Variants in SYT7 observed in about 807,000 individuals in gnomAD.
The protein encoded by SYT7 is synaptotagmin 7.
SYT7 carries 29 observed loss-of-function variants against 75.1 expected under a neutral mutation model. The observed-to-expected ratio is 0.39, with a 90% CI of 0.29 to 0.53. The LOEUF (loss-of-function observed/expected upper bound fraction) is 0.53, where lower values mean the gene tolerates loss of function less well. Ranked by LOEUF, SYT7 falls within the 20% of genes least tolerant of loss-of-function variation. SYT7 has a pLI of 0.77. For missense variants in SYT7, 693 were observed against 953.2 expected, an observed-to-expected ratio of 0.73 and a Z score of 3.59; for synonymous variants, 376 against 401.7, an observed-to-expected ratio of 0.94 and a Z score of 0.76.
At chr11:61,520,090 G>A (rs559075002) in intron 12 of SYT7, among the ~76,000 whole-genome samples, 2 of 129,794 alleles carry the variant, frequency 1.5e-5, no homozygotes, top group East Asian at 1.9e-4. Flanking sequence ...TCCTGACCTC[G>A]TGATCTGGGC....
intron 1 of SYT7, among the ~76,000 whole-genome samples, chr11:61,557,679 C>G (rs979441865): frequency 1.3e-5 from 2 of 152,192 alleles, no homozygotes; most frequent in Admixed American, 1.3e-4. Flanking sequence ...CCTCCTGTAC[C>G]AAGTCTGCAG....
At chr11:61,567,553 C>A (rs1260215467) in intron 1 of SYT7, among the ~76,000 whole-genome samples, 1 of 152,240 alleles carries the variant, frequency 6.6e-6, no homozygotes, top group Admixed American at 6.5e-5. Context: ...GAAGCTATGG[C>A]AGCACCCAGT....
chr11:61,580,896 G>A lies in SYT7; in HGVS notation c.-76C>T. 1 of 1,121,280 alleles carries A rather than the reference G, an allele frequency of 8.9e-7. No individual in the cohort carries two copies. The highest frequency in any genetic ancestry group is 1.1e-6 in the Non-Finnish European group (1 of 918,076). The allele number at this position is 1,121,280 out of a possible 1,614,324, so 69.5% of individuals were successfully genotyped here. On this transcript the variant is annotated 5_prime_UTR_variant, in exon 1 of 13. Coordinates refer to ENST00000539008, the MANE Select transcript of SYT7 (RefSeq NM_001365809.2). This position sits in a 1 kb window ranked among gnomAD's most constrained non-coding sequence, Gnocchi z 6.1. ...GCGCGCTGCTCCGCCGCCGCCGCTG[G>A]GCATGGGGCCGGGCGACCCCCGGGG...
At chr11:61,520,240 G>T (rs938874596) in intron 12 of SYT7, among the ~76,000 whole-genome samples, 2 of 151,816 alleles carry the variant, frequency 1.3e-5, no homozygotes, top group African/African-American at 4.8e-5. Flanking sequence ...TGTGGCCTCA[G>T]TGGAGGAGTA....
chr11:61,573,427 C>T (rs1223837540), intron 1 of SYT7, among the ~76,000 whole-genome samples: 2 of 152,198 alleles, frequency 1.3e-5, no homozygotes, highest in Non-Finnish European at 2.9e-5. Context: ...TGGCTGGACA[C>T]TGCAGATCTC....
At chr11:61,520,689 G>T (rs2062298307) in intron 12 of SYT7, among the ~76,000 whole-genome samples, 1 of 152,200 alleles carries the variant, frequency 6.6e-6, no homozygotes, top group Non-Finnish European at 1.5e-5. Context: ...CCAGCATGGT[G>T]GCAGATGCCT....
At chr11:61,538,348 A>T in intron 6 of SYT7, 82 bp from the exon 7 acceptor site, 10 of 436,528 alleles carry the variant, frequency 2.3e-5, no homozygotes, top group Middle Eastern at 6.3e-4. Flanking sequence ...AGAGAGAGGG[A>T]GAGAGAGAGA....
At chr11:61,579,890 C>T (rs557259438) in intron 1 of SYT7, among the ~76,000 whole-genome samples, 20 of 152,222 alleles carry the variant, frequency 1.3e-4, no homozygotes, top group Non-Finnish European at 2.1e-4. Flanking sequence ...CAGGTGGGAG[C>T]GGGGATGGAG....
chr11:61,525,273 T>G (rs1199243716), intron 9 of SYT7, among the ~76,000 whole-genome samples: 1 of 152,198 alleles, frequency 6.6e-6, no homozygotes, highest in Non-Finnish European at 1.5e-5. Context: ...TGCTCCTGCT[T>G]AAAGCCTTTC....
rs2064074492 is a variant in SYT7, at chr11:61,576,235, C to T, written c.31+4555G>A. 1.3e-5 allele frequency among the ~76,000 whole-genome samples: 2 copies of T among 152,206 alleles called. No individual in the cohort carries two copies. Among genetic ancestry groups the T allele is most frequent in the South Asian group, 4.1e-4 (2 of 4,834 alleles). On this transcript the variant is annotated intron_variant, in intron 1 of 12. Coordinates refer to ENST00000539008, the MANE Select transcript of SYT7 (RefSeq NM_001365809.2). This position sits in a 1 kb window ranked among gnomAD's most constrained non-coding sequence, Gnocchi z 4.1. The stretch of plus-strand genomic sequence containing the variant: ...GTTGGACAGGGCCCAGCAGGGCTGC[C>T]CCTGCTGCCTGGAAGGTCAGGGACC...
At chr11:61,528,370 G>T (rs757478435) in intron 8 of SYT7, among the ~76,000 whole-genome samples, 185 bp from the exon 9 acceptor site, 12 of 152,148 alleles carry the variant, frequency 7.9e-5, no homozygotes, top group Non-Finnish European at 1.2e-4. Context: ...GAGGGGAAGG[G>T]GGAGGGCAGA....
In SYT7 at chr11:61,581,049, C is replaced by T; in HGVS notation, c.-229G>A. 3 of 658,710 alleles carry T rather than the reference C, an allele frequency of 4.6e-6. No homozygotes were observed. Among genetic ancestry groups the T allele is most frequent in the Non-Finnish European group, 5.6e-6 (3 of 533,958 alleles). The allele number at this position is 658,710 out of a possible 1,614,324, so 40.8% of individuals were successfully genotyped here. A position where few individuals can be genotyped will look rare whatever the true frequency, so the allele number is the denominator to read the frequency against. On this transcript the variant is annotated 5_prime_UTR_variant, in exon 1 of 13. Coordinates refer to ENST00000539008, the MANE Select transcript of SYT7 (RefSeq NM_001365809.2). Reference sequence around the variant, plus strand: ...CCGCCGCCGAACAGCGCCGAGCCGCCTCCCTCCGGCCTGCGCGCCGCGTGT... The same window carrying T: ...CCGCCGCCGAACAGCGCCGAGCCGCTTCCCTCCGGCCTGCGCGCCGCGTGT...
rs376927228 is a variant in SYT7, at chr11:61,546,740, C to T, written c.347+437G>A. 37 of 423,852 alleles carry T rather than the reference C, an allele frequency of 8.7e-5. No homozygotes were observed. The East Asian group carries it at 2.4e-3, about 28-fold the overall frequency. The allele number at this position is 423,852 out of a possible 1,614,324, so 26.3% of individuals were successfully genotyped here. On this transcript the variant is annotated intron_variant, in intron 4 of 12. Coordinates refer to ENST00000539008, the MANE Select transcript of SYT7 (RefSeq NM_001365809.2). This position sits in a 1 kb window ranked among gnomAD's most constrained non-coding sequence, Gnocchi z 7.6. ...AGTTCATCACCACCACCACCACCAT[C>T]ACCGCCACCACCGCCACGAACCACC...
intron 8 of SYT7, among the ~76,000 whole-genome samples, chr11:61,528,619 AGAT>A (rs1477296362): frequency 6.6e-6 from 1 of 152,180 alleles, no homozygotes; most frequent in East Asian, 1.9e-4. Flanking sequence ...GCTACACAGC[AGAT>A]GAGGGAGGCT....
the SYT7 span, chr11:61,588,372 G>A: frequency 1.3e-5 from 2 of 152,328 alleles, no homozygotes; most frequent in Non-Finnish European, 2.9e-5. Flanking sequence ...GATCCCCTTA[G>A]GAAGGTGAGA....
chr11:61,524,857 T>G lies in SYT7; in HGVS notation c.1472-325A>C. The G allele has an allele frequency of 4.8e-6, 1 of 207,664 alleles. No homozygotes were observed. The highest frequency in any genetic ancestry group is 1.3e-4 in the East Asian group (1 of 7,786). 12.9% of individuals were successfully genotyped at this position (207,664 alleles called of 1,614,324 possible). A position where few individuals can be genotyped will look rare whatever the true frequency, so the allele number is the denominator to read the frequency against. ...GCGATCATCCATTCACCCATGCACC[T>G]TGTGTCCATCTCAGTGGCTGAGCAG... On this transcript the variant is annotated intron_variant, in intron 9 of 12. Coordinates refer to ENST00000539008, the MANE Select transcript of SYT7 (RefSeq NM_001365809.2). This position sits in a 1 kb window ranked among gnomAD's most constrained non-coding sequence, Gnocchi z 4.1.
At chr11:61,575,756 G>A (rs1302811625) in intron 1 of SYT7, among the ~76,000 whole-genome samples, 1 of 152,118 alleles carries the variant, frequency 6.6e-6, no homozygotes, top group Non-Finnish European at 1.5e-5. Context: ...AACGCGCCTC[G>A]CTACAAATAC....
the SYT7 span, among the ~76,000 whole-genome samples, chr11:61,587,927 G>A: frequency 1.3e-5 from 2 of 152,242 alleles, no homozygotes; most frequent in East Asian, 3.9e-4. Context: ...CACAGATGGG[G>A]GGGCGGGGGA....
chr11:61,584,478 G>T (rs188485699), upstream of SYT7, among the ~76,000 whole-genome samples: 3 of 151,898 alleles, frequency 2.0e-5, no homozygotes, highest in Non-Finnish European at 1.5e-5. Flanking sequence ...TATTATTGTT[G>T]TTGCTATTTG....
Sources: allele counts gnomAD v4.1 joint callset (sites outside exome capture counted in the v4.1 genomes callset), GRCh38; gene constraint gnomAD v4.1.1; non-coding constraint Gnocchi (gnomAD v3.1); transcripts MANE v1.5; gene names NCBI Gene and HGNC (gene_info 2026-07-23, HGNC 2026-07-21).